BMP6: variants seen among roughly 807,000 people sequenced by gnomAD.
The protein encoded by BMP6 is bone morphogenetic protein 6, also known as VG-1-R.
Under a neutral mutation model 54.1 loss-of-function variants are expected in BMP6, and 17 were observed. The observed-to-expected ratio is 0.31, with a 90% confidence interval of 0.22 to 0.47. BMP6 has a LOEUF of 0.47. Among genes scored for constraint, BMP6 ranks in the 20% least tolerant of loss-of-function variants. The pLI is 1.00. For missense variants in BMP6, 720 were observed against 690.4 expected (o/e 1.04, Z -0.48); for synonymous variants, 328 against 291.2 (o/e 1.13, Z -1.28).
intron 1 of BMP6, among the ~76,000 whole-genome samples, chr6:7,803,306 G>GA (rs954857427): frequency 2.6e-5 from 4 of 151,994 alleles, no homozygotes; most frequent in Admixed American, 2.6e-4. Flanking sequence ...TAGCTTCCTT[G>GA]AAAAAAAGTC....
intron 1 of BMP6, among the ~76,000 whole-genome samples, chr6:7,817,462 A>G (rs1758544927): frequency 6.6e-6 from 1 of 152,012 alleles, no homozygotes; most frequent in African/African-American, 2.4e-5. Context: ...ATTCTGAGAA[A>G]CTATCACAAG....
intron 1 of BMP6, among the ~76,000 whole-genome samples, chr6:7,810,872 C>G (rs554534720): frequency 1.3e-5 from 2 of 152,308 alleles, no homozygotes; most frequent in South Asian, 2.1e-4. Flanking sequence ...GAGGAAACAT[C>G]CTTAGCTACA....
intron 2 of BMP6, among the ~76,000 whole-genome samples, chr6:7,857,488 G>T (rs116755601): frequency 1.3e-5 from 2 of 152,104 alleles, no homozygotes; most frequent in Admixed American, 1.3e-4. Flanking sequence ...ATTTTCTTTC[G>T]TGGTTTGCCA....
intron 1 of BMP6, among the ~76,000 whole-genome samples, chr6:7,758,705 A>G (rs963743288): frequency 6.6e-5 from 10 of 152,194 alleles, no homozygotes; most frequent in African/African-American, 2.4e-4. Flanking sequence ...GACACCGAAG[A>G]AAAACGCAGC....
intron 1 of BMP6, among the ~76,000 whole-genome samples, chr6:7,742,358 T>C (rs915290360): frequency 5.3e-5 from 8 of 152,238 alleles, no homozygotes; most frequent in African/African-American, 1.9e-4. Flanking sequence ...CGAGCTTTCA[T>C]GCATGCAAGG....
At chr6:7,870,752 C>T (rs1178454580) in intron 4 of BMP6, among the ~76,000 whole-genome samples, 6 of 152,232 alleles carry the variant, frequency 3.9e-5, no homozygotes, top group African/African-American at 9.6e-5. Context: ...CTCGGCCTCC[C>T]GAGTAGCTGG....
At chr6:7,838,867 G>A (rs9505287) in intron 1 of BMP6, among the ~76,000 whole-genome samples, 13,347 of 151,020 alleles carry the variant, frequency 0.088, 1,144 homozygotes, top group African/African-American at 0.22. Flanking sequence ...GCGTCAACCC[G>A]GGAGGTGGAG....
chr6:7,732,329 A>C (rs144990929), intron 1 of BMP6, among the ~76,000 whole-genome samples: 32 of 152,174 alleles, frequency 2.1e-4, no homozygotes, highest in Admixed American at 8.5e-4. Context: ...GCATTTCAAC[A>C]AAAAAAAGTT....
chr6:7,763,834 T>A (rs1480011926), intron 1 of BMP6, among the ~76,000 whole-genome samples: 1 of 152,188 alleles, frequency 6.6e-6, no homozygotes, highest in Non-Finnish European at 1.5e-5. Context: ...CATGGTGACC[T>A]TCTCTCTGCC....
intron 1 of BMP6, among the ~76,000 whole-genome samples, chr6:7,786,644 T>C (rs1758024516): frequency 5.9e-5 from 9 of 152,212 alleles, no homozygotes; most frequent in Admixed American, 4.6e-4. Flanking sequence ...ATTGTGTATG[T>C]GGATCAGAAC....
intron 2 of BMP6, among the ~76,000 whole-genome samples, chr6:7,859,325 G>GT (rs34660079): frequency 0.76 from 115,404 of 151,924 alleles, 44,523 homozygotes; most frequent in East Asian, 1. Flanking sequence ...GCTTTGAACT[G>GT]TATTTCTCTG....
chr6:7,873,321 A>G (rs1362227862), intron 4 of BMP6, among the ~76,000 whole-genome samples: 4 of 152,232 alleles, frequency 2.6e-5, no homozygotes, highest in African/African-American at 9.6e-5. Context: ...AGAAAGTGCT[A>G]TACTTACAAT....
At chr6:7,804,889 GA>G (rs200494330) in intron 1 of BMP6, among the ~76,000 whole-genome samples, 1 of 98,610 alleles carries the variant, frequency 1.0e-5, no homozygotes, top group Non-Finnish European at 2.1e-5. Flanking sequence ...TTCTACAACT[GA>G]TTTTTTTTTT....
rs182561636 is a variant in BMP6, at chr6:7,775,768, T to G, written c.664+48149T>G. Among the ~76,000 whole-genome samples the G allele has an allele frequency of 8.1e-4, 123 of 152,356 alleles. 1 individual carries two copies. The highest frequency in any genetic ancestry group is 1.4e-3 in the Admixed American group (22 of 15,302). On this transcript the variant is annotated intron_variant, in intron 1 of 6. Transcript: ENST00000283147. ...GGTCAGGTTAGTTCTTCTTGATTGT[T>G]GGAGATAAATTTGCTGATGTTCTTC...
chr6:7,810,443 G>A (rs1053106748), intron 1 of BMP6, among the ~76,000 whole-genome samples: 3 of 152,176 alleles, frequency 2.0e-5, no homozygotes, highest in Admixed American at 6.5e-5. Flanking sequence ...AGCCAATCCC[G>A]GCAGCCATGG....
chr6:7,881,396 A>C lies in BMP6; in HGVS notation c.*1053A>C, dbSNP rs981455653. Reference sequence around the variant, plus strand: ...GGGAAGGCAATTTCATACTAAACTGATTAAATAATACATTTATAATCTACA... The same window carrying C: ...GGGAAGGCAATTTCATACTAAACTGCTTAAATAATACATTTATAATCTACA... On this transcript the variant is annotated 3_prime_UTR_variant, in exon 7 of 7. Coordinates refer to ENST00000283147, the MANE Select transcript of BMP6 (RefSeq NM_001718.6). The C allele has an allele frequency of 6.6e-6, 1 of 152,632 alleles. No homozygotes were observed. The highest frequency in any genetic ancestry group is 1.5e-5 in the Non-Finnish European group (1 of 68,048). 9.5% of individuals were successfully genotyped at this position (152,632 alleles called of 1,614,324 possible). A position where few individuals can be genotyped will look rare whatever the true frequency, so the allele number is the denominator to read the frequency against.
rs750553583 is a variant in BMP6 at position 7,727,525 on chromosome 6, C to T, written c.570C>T (p.Pro190=). ...TCAACCGCAAGAGCCTTCTGGCCCC[C>T]GGATCTGGCAGCGGCGGCGCGTCCC... ...HPLNRKSLLA[P]GSGSGGASPL... The change falls in exon 1 of 7, where the codon CCC becomes CCT. Residue 190 remains proline (P), a synonymous_variant. Coordinates refer to ENST00000283147, the MANE Select transcript of BMP6 (RefSeq NM_001718.6). The T allele has an allele frequency of 1.3e-6, 2 of 1,595,664 alleles. No individual in the cohort carries two copies. The highest frequency in any genetic ancestry group is 8.5e-7 in the Non-Finnish European group (1 of 1,177,656).
chr6:7,755,722 A>G (rs1157447075), intron 1 of BMP6, among the ~76,000 whole-genome samples: 6 of 152,018 alleles, frequency 3.9e-5, no homozygotes, highest in Non-Finnish European at 2.9e-5. Flanking sequence ...CTTTTCATGT[A>G]ATACTTGTCT....
intron 1 of BMP6, among the ~76,000 whole-genome samples, chr6:7,824,003 T>C (rs6913143): frequency 0.11 from 17,079 of 152,120 alleles, 1,087 homozygotes; most frequent in African/African-American, 0.16. Context: ...GAGAATAGGC[T>C]GGAGGGGCAA....
Sources: allele counts gnomAD v4.1 joint callset (sites outside exome capture counted in the v4.1 genomes callset), GRCh38; gene constraint gnomAD v4.1.1; transcripts MANE v1.5; gene names NCBI Gene and HGNC (gene_info 2026-07-23, HGNC 2026-07-21).